SLC24A2: variants seen among roughly 807,000 people sequenced by gnomAD.
SLC24A2 encodes the protein solute carrier family 24 member 2, also known as sodium/potassium/calcium exchanger 2.
SLC24A2 carries 36 observed loss-of-function variants against 62.0 expected under a neutral mutation model. That is an observed-to-expected ratio of 0.58 (90% confidence interval 0.44 to 0.77). The LOEUF is 0.77. SLC24A2 is among the 30% of genes least tolerant of loss of function. SLC24A2 has a pLI of 0.00. For missense variants in SLC24A2, 846 were observed against 817.9 expected (o/e 1.03, Z -0.42); for synonymous variants, 358 against 294.0 (o/e 1.22, Z -2.23).
At chr9:19,897,137 G>A in the SLC24A2 span, among the ~76,000 whole-genome samples, 12 of 152,268 alleles carry the variant, frequency 7.9e-5, no homozygotes, top group South Asian at 8.3e-4. Context: ...CTATAGACTG[G>A]GAAACTGGGC....
chr9:20,149,405 GA>G, the SLC24A2 span, among the ~76,000 whole-genome samples: 1 of 151,954 alleles, frequency 6.6e-6, no homozygotes, highest in African/African-American at 2.4e-5. Context: ...CCATAGGGAT[GA>G]TTTTTTTTCA....
At chr9:19,921,622 T>A in the SLC24A2 span, among the ~76,000 whole-genome samples, 1 of 151,884 alleles carries the variant, frequency 6.6e-6, no homozygotes, top group Admixed American at 6.6e-5. Context: ...TTTTCATGCA[T>A]ACAGAGAAAA....
chr9:19,866,698 G>C, the SLC24A2 span, among the ~76,000 whole-genome samples: 4 of 129,192 alleles, frequency 3.1e-5, no homozygotes, highest in African/African-American at 1.2e-4. Flanking sequence ...GTGCAGTGGC[G>C]TGATCTTGGC....
At chr9:19,954,619 T>C in the SLC24A2 span, among the ~76,000 whole-genome samples, 1 of 152,040 alleles carries the variant, frequency 6.6e-6, no homozygotes, top group African/African-American at 2.4e-5. Flanking sequence ...GAGTCCATAT[T>C]ATATCCACCT....
At chr9:19,543,622 C>G (rs527703559) in intron 8 of SLC24A2, among the ~76,000 whole-genome samples, 1 of 151,818 alleles carries the variant, frequency 6.6e-6, no homozygotes, top group Non-Finnish European at 1.5e-5. Context: ...AGAGATTGTA[C>G]GTTGTGTTGT....
chr9:20,298,332 G>A, the SLC24A2 span, among the ~76,000 whole-genome samples: 4 of 152,216 alleles, frequency 2.6e-5, no homozygotes, highest in Admixed American at 2.6e-4. Flanking sequence ...AGGTTCAAGC[G>A]ATTCTCCTGC....
At chr9:20,255,554 T>C in the SLC24A2 span, among the ~76,000 whole-genome samples, 7 of 152,168 alleles carry the variant, frequency 4.6e-5, no homozygotes, top group Non-Finnish European at 7.4e-5. Flanking sequence ...GTTGATTCAC[T>C]CACATTGTCT....
intron 2 of SLC24A2, among the ~76,000 whole-genome samples, chr9:19,622,775 G>A (rs1037156382): frequency 6.6e-6 from 1 of 152,092 alleles, no homozygotes; most frequent in African/African-American, 2.4e-5. Context: ...ACTGTTATTA[G>A]TGGTTGTTAC....
chr9:20,077,075 T>A, the SLC24A2 span, among the ~76,000 whole-genome samples: 1 of 151,802 alleles, frequency 6.6e-6, no homozygotes, highest in Non-Finnish European at 1.5e-5. Flanking sequence ...CTCACTTATA[T>A]GTGAAATCTT....
chr9:19,535,618 C>A (rs1833925533), intron 8 of SLC24A2, among the ~76,000 whole-genome samples: 1 of 152,090 alleles, frequency 6.6e-6, no homozygotes, highest in Non-Finnish European at 1.5e-5. Context: ...GAATCCTTTC[C>A]CCATTTCTTG....
intron 2 of SLC24A2, among the ~76,000 whole-genome samples, chr9:19,724,619 T>C (rs930304648): frequency 6.6e-6 from 1 of 152,200 alleles, no homozygotes; most frequent in Non-Finnish European, 1.5e-5. Context: ...CAAGTGTCTT[T>C]ATGACATTTG....
At chr9:20,292,348 C>G in the SLC24A2 span, among the ~76,000 whole-genome samples, 8 of 152,132 alleles carry the variant, frequency 5.3e-5, no homozygotes, top group South Asian at 6.2e-4. Flanking sequence ...AAGATTTTAT[C>G]TGTTTAGAAA....
chr9:20,102,258 G>C, the SLC24A2 span, among the ~76,000 whole-genome samples: 2 of 152,088 alleles, frequency 1.3e-5, no homozygotes, highest in South Asian at 4.1e-4. Context: ...TCTAGGCAGA[G>C]ATATGAGTAA....
chr9:19,645,817 T>C (rs922088165), intron 2 of SLC24A2, among the ~76,000 whole-genome samples: 2 of 152,228 alleles, frequency 1.3e-5, no homozygotes, highest in African/African-American at 4.8e-5. Flanking sequence ...CTGCAAACAA[T>C]TTCTAAAGCA....
chr9:20,123,617 G>A, the SLC24A2 span, among the ~76,000 whole-genome samples: 1 of 152,074 alleles, frequency 6.6e-6, no homozygotes, highest in Non-Finnish European at 1.5e-5. Context: ...CTGTACAATA[G>A]AAAAAATAAC....
At chr9:20,302,228 C>A in the SLC24A2 span, among the ~76,000 whole-genome samples, 5 of 152,126 alleles carry the variant, frequency 3.3e-5, no homozygotes, top group African/African-American at 1.2e-4. Context: ...TTTTCAGCTC[C>A]TTTGGGTAGC....
chr9:20,288,076 C>T, the SLC24A2 span, among the ~76,000 whole-genome samples: 4 of 151,988 alleles, frequency 2.6e-5, no homozygotes, highest in East Asian at 1.9e-4. Context: ...CCAGACCATA[C>T]GATGCATCTA....
the SLC24A2 span, among the ~76,000 whole-genome samples, chr9:20,265,244 G>T: frequency 6.6e-6 from 1 of 152,214 alleles, no homozygotes; most frequent in African/African-American, 2.4e-5. Context: ...CTACTGTGTG[G>T]ATTCCTGGTA....
the SLC24A2 span, among the ~76,000 whole-genome samples, chr9:20,208,720 C>T: frequency 6.6e-6 from 1 of 152,132 alleles, no homozygotes; most frequent in Non-Finnish European, 1.5e-5. Flanking sequence ...GTAGATAGAC[C>T]CCCATCTAGG....
Sources: gnomAD v4.1 joint callset for allele counts (sites outside exome capture counted in the v4.1 genomes callset) on GRCh38, gnomAD v4.1.1 for gene constraint, MANE v1.5 for transcripts, NCBI Gene and HGNC (gene_info 2026-07-23, HGNC 2026-07-21) for gene names.